Variants in NFYC observed in about 807,000 individuals in gnomAD.
The protein encoded by NFYC is CAAT box DNA-binding protein subunit C.
In NFYC, 25 loss-of-function variants were observed where a neutral mutation model predicts 53.1. That is an observed-to-expected ratio of 0.47 (90% CI 0.34 to 0.66). The LOEUF (loss-of-function observed/expected upper bound fraction) is 0.66, where lower values mean the gene tolerates loss of function less well. NFYC is among the 30% of genes least tolerant of loss of function. The pLI, the probability that NFYC is intolerant of heterozygous loss-of-function variation, is 0.01. For missense variants in NFYC, 260 were observed against 422.7 expected, an observed-to-expected ratio of 0.62 and a Z score of 3.38; for synonymous variants, 145 against 152.6, an observed-to-expected ratio of 0.95 and a Z score of 0.37.
intron 6 of NFYC, among the ~76,000 whole-genome samples, chr1:40,759,720 G>A (rs1406255206): frequency 2.0e-5 from 3 of 152,060 alleles, no homozygotes. Context: ...TTGGGGAACA[G>A]TGGAAATTAA....
intron 1 of NFYC, among the ~76,000 whole-genome samples, chr1:40,705,768 G>A (rs1032904974): frequency 3.9e-5 from 6 of 151,918 alleles, no homozygotes; most frequent in African/African-American, 1.2e-4. Context: ...TTTACTTGAG[G>A]TAGAGTCTCA....
chr1:40,760,406 C>A (rs891878203), intron 6 of NFYC, among the ~76,000 whole-genome samples: 3 of 152,136 alleles, frequency 2.0e-5, no homozygotes, highest in African/African-American at 7.2e-5. Flanking sequence ...GTCTCAAAAA[C>A]AAACACACAG....
intron 2 of NFYC, among the ~76,000 whole-genome samples, chr1:40,742,247 G>T (rs1645388917): frequency 6.7e-6 from 1 of 149,766 alleles, no homozygotes; most frequent in Admixed American, 6.7e-5. Context: ...ATCATACCCT[G>T]TTGTATGTAT....
At chr1:40,745,860 A>G (rs921213363) in intron 2 of NFYC, among the ~76,000 whole-genome samples, 1 of 152,138 alleles carries the variant, frequency 6.6e-6, no homozygotes, top group African/African-American at 2.4e-5. Flanking sequence ...AGGTAGGAGT[A>G]GATGTGTATT....
chr1:40,763,841 C>G (rs1238394349), intron 7 of NFYC, among the ~76,000 whole-genome samples: 3 of 152,230 alleles, frequency 2.0e-5, no homozygotes, highest in Non-Finnish European at 4.4e-5. Context: ...ATTGTAACCA[C>G]TACCCATGCC....
chr1:40,706,243 G>C (rs1211341367), intron 1 of NFYC, among the ~76,000 whole-genome samples: 10 of 151,928 alleles, frequency 6.6e-5, no homozygotes, highest in Admixed American at 5.2e-4. Flanking sequence ...ACCAGTTTTT[G>C]TAACTTCTTT....
At chr1:40,746,012 A>G (rs1013525849) in intron 2 of NFYC, among the ~76,000 whole-genome samples, 8 of 152,026 alleles carry the variant, frequency 5.3e-5, no homozygotes, top group Non-Finnish European at 1.0e-4. Flanking sequence ...CCTGGCCTAC[A>G]TGTGTATTTT....
chr1:40,697,032 A>T (rs1643184716), intron 1 of NFYC, among the ~76,000 whole-genome samples: 1 of 152,226 alleles, frequency 6.6e-6, no homozygotes. Context: ...TGCTGATTGG[A>T]GTCAGACCAA....
In NFYC at chr1:40,699,370, A is replaced by G. The variant is rs148089199; in HGVS notation, c.-9+7503A>G. Among the ~76,000 whole-genome samples the G allele has an allele frequency of 4.4e-3, 667 of 152,316 alleles. 3 individuals are homozygous for G. Among genetic ancestry groups the G allele is most frequent in the Admixed American group, 8.4e-3 (129 of 15,300 alleles). On this transcript the variant is annotated intron_variant, in intron 1 of 9. Transcript: ENST00000447388. ...AGTTGAGATTCTTTGCCCAGTGTTA[A>G]GAAGATATATCCCTTTGACACTGGC...
chr1:40,727,703 G>T (rs1031036739), intron 1 of NFYC, among the ~76,000 whole-genome samples: 8 of 151,522 alleles, frequency 5.3e-5, no homozygotes, highest in African/African-American at 1.9e-4. Flanking sequence ...GCTAATTTTT[G>T]TATTTTTTTA....
At chr1:40,725,378 G>T (rs1570447308) in intron 1 of NFYC, among the ~76,000 whole-genome samples, 1 of 152,302 alleles carries the variant, frequency 6.6e-6, no homozygotes, top group East Asian at 1.9e-4. Context: ...CTGGCCCAGG[G>T]CCACCAGCTA....
intron 5 of NFYC, among the ~76,000 whole-genome samples, chr1:40,755,202 TAG>T (rs1444499782): frequency 6.6e-6 from 1 of 152,210 alleles, no homozygotes; most frequent in African/African-American, 2.4e-5. Context: ...CACAACACTG[TAG>T]AGATGGCCCT....
chr1:40,697,835 C>G (rs116561878), intron 1 of NFYC, among the ~76,000 whole-genome samples: 3 of 152,332 alleles, frequency 2.0e-5, no homozygotes, highest in Non-Finnish European at 4.4e-5. Context: ...CCACACTTCT[C>G]CATGTGTTAG....
intron 1 of NFYC, among the ~76,000 whole-genome samples, chr1:40,728,233 A>G (rs1363940347): frequency 6.6e-6 from 1 of 152,128 alleles, no homozygotes; most frequent in Admixed American, 6.5e-5. Context: ...CTTCAATAAT[A>G]AGACTTGAAT....
intron 1 of NFYC, chr1:40,735,654 C>T (rs951254535): frequency 1.2e-5 from 12 of 985,274 alleles, no homozygotes; most frequent in East Asian, 1.1e-4. Flanking sequence ...ACAGAGATAT[C>T]GTCCTGGCAA....
At chr1:40,723,289 CTTTG>C (rs1216441874) in intron 1 of NFYC, 1 of 152,172 alleles carries the variant, frequency 6.6e-6, no homozygotes, top group Non-Finnish European at 1.5e-5. Flanking sequence ...GAAAATGATG[CTTTG>C]TTTTAGAATA....
intron 1 of NFYC, among the ~76,000 whole-genome samples, chr1:40,697,124 G>A (rs1643191829): frequency 6.6e-6 from 1 of 152,272 alleles, no homozygotes; most frequent in East Asian, 1.9e-4. Context: ...GTAAAATAAC[G>A]ACAATAATAC....
intron 2 of NFYC, among the ~76,000 whole-genome samples, chr1:40,741,446 A>T (rs528126939): frequency 2.0e-5 from 3 of 152,272 alleles, no homozygotes; most frequent in African/African-American, 7.2e-5. Context: ...TGCATTTTCA[A>T]CTTAGGATCT....
intron 1 of NFYC, among the ~76,000 whole-genome samples, chr1:40,728,674 G>A (rs553246822): frequency 3.3e-5 from 5 of 152,174 alleles, no homozygotes; most frequent in African/African-American, 1.2e-4. Context: ...GTCTCGCTGT[G>A]CTACCCAGGC....
Sources: gnomAD v4.1 joint callset for allele counts (sites outside exome capture counted in the v4.1 genomes callset) on GRCh38, gnomAD v4.1.1 for gene constraint, MANE v1.5 for transcripts, NCBI Gene and HGNC (gene_info 2026-07-23, HGNC 2026-07-21) for gene names.